The following FIGN variants were observed in gnomAD, a reference collection of about 807,000 sequenced individuals.
FIGN encodes the protein fidgetin, microtubule severing factor.
FIGN carries 11 observed loss-of-function variants against 51.3 expected under a neutral mutation model. That is an observed-to-expected ratio of 0.21 (90% CI 0.13 to 0.35). FIGN has a LOEUF of 0.35. FIGN is among the 10% of genes least tolerant of loss of function. FIGN has a pLI of 1.00. For missense variants in FIGN, 857 were observed against 943.6 expected (o/e 0.91, Z 1.20); for synonymous variants, 407 against 363.2 (o/e 1.12, Z -1.37).
rs1198240207 is a variant in FIGN, at chr2:163,735,925, G to A, written c.-233C>T. The stretch of plus-strand genomic sequence containing the variant: ...GAATGGAAGCTAGGGTTAAGTGAAG[G>A]TGCCTATGATTTGAAATCATTCCAA... On this transcript the variant is annotated 5_prime_UTR_variant, in exon 1 of 3. Coordinates refer to ENST00000333129, the MANE Select transcript of FIGN (RefSeq NM_018086.4). 1 of 152,678 alleles carries A rather than the reference G, an allele frequency of 6.5e-6. No individual in the cohort carries two copies. The highest frequency in any genetic ancestry group is 1.5e-5 in the Non-Finnish European group (1 of 68,064). 9.5% of individuals were successfully genotyped at this position (152,678 alleles called of 1,614,324 possible). A position where few individuals can be genotyped will look rare whatever the true frequency, so the allele number is the denominator to read the frequency against.
chr2:163,647,735 CA>C (rs1326853044), intron 2 of FIGN, among the ~76,000 whole-genome samples: 1 of 152,152 alleles, frequency 6.6e-6, no homozygotes, highest in Admixed American at 6.5e-5. Flanking sequence ...TAAAATACAT[CA>C]AAAACATTTG....
chr2:163,719,967 A>G (rs1263702901), intron 2 of FIGN, among the ~76,000 whole-genome samples: 2 of 152,158 alleles, frequency 1.3e-5, no homozygotes, highest in African/African-American at 4.8e-5. Flanking sequence ...TCATCACCCA[A>G]GCTGAAATCA....
At chr2:163,693,437 C>G (rs921346742) in intron 2 of FIGN, among the ~76,000 whole-genome samples, 2 of 152,036 alleles carry the variant, frequency 1.3e-5, no homozygotes, top group Admixed American at 6.6e-5. Context: ...GGGCTTTGCA[C>G]AATATAAAGA....
At chr2:163,612,514 C>T (rs1339012517) in intron 2 of FIGN, 20 of 985,144 alleles carry the variant, frequency 2.0e-5, no homozygotes, top group East Asian at 1.1e-4. Context: ...TCGCTTTCAT[C>T]GCACAAAGCC....
At chr2:163,641,321 G>C (rs1346353750) in intron 2 of FIGN, among the ~76,000 whole-genome samples, 1 of 152,152 alleles carries the variant, frequency 6.6e-6, no homozygotes, top group Non-Finnish European at 1.5e-5. Flanking sequence ...TTTTGTATTT[G>C]ACTTATTTCA....
chr2:163,655,292 T>C (rs562598096), intron 2 of FIGN, among the ~76,000 whole-genome samples: 107 of 152,272 alleles, frequency 7.0e-4, no homozygotes, highest in African/African-American at 2.3e-3. Flanking sequence ...TTGCCAGCTG[T>C]CAGAGTTATA....
chr2:163,633,934 A>G (rs1426768658), intron 2 of FIGN, among the ~76,000 whole-genome samples: 1 of 152,126 alleles, frequency 6.6e-6, no homozygotes, highest in East Asian at 1.9e-4. Flanking sequence ...ACATTCAATC[A>G]ATGAGAAAGT....
At chr2:163,661,496 A>C (rs1232929434) in intron 2 of FIGN, among the ~76,000 whole-genome samples, 3 of 151,988 alleles carry the variant, frequency 2.0e-5, no homozygotes, top group Non-Finnish European at 4.4e-5. Flanking sequence ...TCCCAGGTTC[A>C]AATGATTCTC....
At chr2:163,639,427 T>C (rs1683274469) in intron 2 of FIGN, among the ~76,000 whole-genome samples, 2 of 152,188 alleles carry the variant, frequency 1.3e-5, no homozygotes, top group Admixed American at 6.5e-5. Context: ...ATCCATCTTC[T>C]GTATAATATA....
intron 2 of FIGN, among the ~76,000 whole-genome samples, chr2:163,707,042 T>C (rs1200069069): frequency 6.6e-6 from 1 of 152,190 alleles, no homozygotes; most frequent in African/African-American, 2.4e-5. Context: ...AAGAGTTATA[T>C]AATTATTCTT....
chr2:163,621,478 G>A (rs1387501754), intron 2 of FIGN, among the ~76,000 whole-genome samples: 2 of 152,154 alleles, frequency 1.3e-5, no homozygotes, highest in East Asian at 3.8e-4. Context: ...AGCTACATAT[G>A]AAATGAGTTT....
At chr2:163,685,993 T>A (rs1280667803) in intron 2 of FIGN, among the ~76,000 whole-genome samples, 1 of 152,216 alleles carries the variant, frequency 6.6e-6, no homozygotes, top group African/African-American at 2.4e-5. Context: ...GGCACAAAAC[T>A]ATTTGGGACA....
intron 2 of FIGN, among the ~76,000 whole-genome samples, chr2:163,701,256 C>T (rs1684403481): frequency 6.6e-6 from 1 of 152,128 alleles, no homozygotes; most frequent in African/African-American, 2.4e-5. Context: ...AGTCTGCTTA[C>T]CTCTTGGAAT....
chr2:163,606,904 A>T lies in FIGN; in HGVS notation c.*2648T>A, dbSNP rs139221006. 2.6e-5 allele frequency: 4 copies of T among 152,310 alleles called. No homozygotes were observed. In the East Asian group the frequency reaches 7.7e-4, roughly 29 times the overall value. The allele number at this position is 152,310 out of a possible 1,614,324, so 9.4% of individuals were successfully genotyped here. A position where few individuals can be genotyped will look rare whatever the true frequency, so the allele number is the denominator to read the frequency against. On this transcript the variant is annotated 3_prime_UTR_variant, in exon 3 of 3. Coordinates refer to ENST00000333129, the MANE Select transcript of FIGN (RefSeq NM_018086.4). ...TCAAATTAATTTTTAAGTCACTCAG[A>T]GTTCTAATTTTTAAGTCACTTAAAG...
At chr2:163,689,559 C>T (rs1187852831) in intron 2 of FIGN, among the ~76,000 whole-genome samples, 2 of 151,980 alleles carry the variant, frequency 1.3e-5, no homozygotes, top group Non-Finnish European at 2.9e-5. Flanking sequence ...AATTATCAAC[C>T]TTTTATTTAA....
At chr2:163,617,045 G>T in intron 2 of FIGN, 1 of 916,500 alleles carries the variant, frequency 1.1e-6, no homozygotes, top group Non-Finnish European at 1.3e-6. Context: ...GGAGACTAAT[G>T]CAGCCTTGTC....
intron 2 of FIGN, among the ~76,000 whole-genome samples, chr2:163,718,645 A>T (rs935914783): frequency 7.2e-5 from 11 of 152,158 alleles, no homozygotes; most frequent in African/African-American, 2.7e-4. Flanking sequence ...AATCCAGTAG[A>T]CACCAGAGAA....
intron 2 of FIGN, among the ~76,000 whole-genome samples, chr2:163,713,976 G>A (rs1182795963): frequency 2.6e-5 from 4 of 152,152 alleles, no homozygotes; most frequent in Admixed American, 6.5e-5. Context: ...CCACCCTGCT[G>A]CTGCAGCAAA....
intron 2 of FIGN, among the ~76,000 whole-genome samples, chr2:163,723,955 T>A (rs979049213): frequency 3.3e-5 from 5 of 152,208 alleles, no homozygotes; most frequent in African/African-American, 1.2e-4. Flanking sequence ...TTTTTGGAGC[T>A]TTCTTAAGAG....
Sources: allele counts gnomAD v4.1 joint callset (sites outside exome capture counted in the v4.1 genomes callset), GRCh38; gene constraint gnomAD v4.1.1; transcripts MANE v1.5; gene names NCBI Gene and HGNC (gene_info 2026-07-23, HGNC 2026-07-21).